MORC4: variants seen among roughly 807,000 people sequenced by gnomAD.
MORC4 encodes MORC family CW-type zinc finger 4, also known as MORC family CW-type zinc finger protein 4.
MORC4 carries 22 observed loss-of-function variants against 65.5 expected under a neutral mutation model. The observed-to-expected ratio is 0.34, with a 90% CI of 0.24 to 0.48. The LOEUF is 0.48. Among genes scored for constraint, MORC4 ranks in the 20% least tolerant of loss-of-function variants. MORC4 has a pLI of 0.99. For missense variants in MORC4, 624 were observed against 703.0 expected (o/e 0.89, Z 1.27); for synonymous variants, 267 against 255.8 (o/e 1.04, Z -0.42).
At chrX:106,955,843 T>A (rs1368248845) in intron 13 of MORC4, among the ~76,000 whole-genome samples, 1 of 111,109 alleles carries the variant, frequency 9.0e-6, no homozygotes, top group East Asian at 2.8e-4. Flanking sequence ...CAGATCTCTC[T>A]TGGAAAGAGG....
At chrX:106,958,115 C>T (rs1325671624) in intron 11 of MORC4, among the ~76,000 whole-genome samples, 2 of 111,812 alleles carry the variant, frequency 1.8e-5, no homozygotes, top group Non-Finnish European at 3.8e-5. Flanking sequence ...TGAGAGTAAG[C>T]ATGGCATGTG....
At chrX:106,971,387 A>T (rs887801332) in intron 9 of MORC4, among the ~76,000 whole-genome samples, 5 of 112,067 alleles carry the variant, frequency 4.5e-5, no homozygotes, top group African/African-American at 1.6e-4. Flanking sequence ...AGGCAATACC[A>T]TTCAGGACAT....
At chrX:106,972,581 A>G in intron 9 of MORC4, among the ~76,000 whole-genome samples, 1 of 111,886 alleles carries the variant, frequency 8.9e-6, no homozygotes, top group East Asian at 2.8e-4. Flanking sequence ...TTGTTGGATG[A>G]CATGAATATA....
intron 3 of MORC4, among the ~76,000 whole-genome samples, chrX:106,989,302 A>C (rs1019726569): frequency 8.9e-6 from 1 of 112,426 alleles, no homozygotes. Context: ...TAGCCCCAGA[A>C]GCTAAAGATA....
intron 11 of MORC4, 96 bp from the exon 12 acceptor site, chrX:106,957,100 T>C (rs751369856): frequency 4.1e-6 from 2 of 484,532 alleles, no homozygotes; most frequent in African/African-American, 4.7e-5. Context: ...AACAACTCTC[T>C]AACATTACAG....
chrX:106,986,248 G>A (rs1156625298), intron 3 of MORC4, 48 bp from the exon 4 acceptor site: 4 of 994,281 alleles, frequency 4.0e-6, no homozygotes, highest in Non-Finnish European at 4.1e-6. Flanking sequence ...AAATCAGAAA[G>A]GTAAAAAGCA....
At chrX:106,972,092 G>T (rs909169116) in intron 9 of MORC4, among the ~76,000 whole-genome samples, 1 of 112,249 alleles carries the variant, frequency 8.9e-6, no homozygotes, top group African/African-American at 3.2e-5. Flanking sequence ...TGATAGACTG[G>T]ATTAAGAAAA....
chrX:106,998,757 T>C (rs758127440), intron 2 of MORC4, among the ~76,000 whole-genome samples: 4 of 112,339 alleles, frequency 3.6e-5, no homozygotes, highest in Admixed American at 1.9e-4. Context: ...ATCATTCTTA[T>C]CACCCTTCCA....
rs143666861 is a variant in MORC4 at position 106,954,960 on chromosome X, T to C, written c.1638A>G (p.Pro546=). ...LPSGGEESRS[P]SLQLKPLDSS... ...AATCCAGAGGCTTAAGTTGAAGAGA[T>C]GGTGATCTGCTTTCTTCTCCACCAG... Residue 546 remains proline (P), a synonymous_variant, in exon 14 of 17, where the codon CCA becomes CCG. Coordinates refer to ENST00000355610, the MANE Select transcript of MORC4 (RefSeq NM_024657.5). The C allele has an allele frequency of 2.3e-5, 28 of 1,210,281 alleles. No individual in the cohort carries two copies. The highest frequency in any genetic ancestry group is 2.8e-5 in the Non-Finnish European group (25 of 894,886).
chrX:106,941,749 C>G lies in MORC4; in HGVS notation c.2661-117G>C, dbSNP rs1010402072. ...TTCTCAACAGTTATGTTTTCATTAG[C>G]TAGAAAGAAGAAAGCACAACGCCAC... On this transcript the variant is annotated intron_variant, in intron 16 of 16. Transcript: ENST00000355610. 24 of 871,019 alleles carry G rather than the reference C, an allele frequency of 2.8e-5. No homozygotes were observed. The African/African-American group carries it at 4.5e-4, about 16-fold the overall frequency. The allele number at this position is 871,019 out of a possible 1,213,427, so 71.8% of individuals were successfully genotyped here.
intron 5 of MORC4, among the ~76,000 whole-genome samples, chrX:106,983,782 G>A (rs1217495344): frequency 3.7e-5 from 4 of 107,858 alleles, no homozygotes; most frequent in African/African-American, 1.4e-4. Context: ...CTGGCCTCAA[G>A]TGATCCTCCT....
rs961031762 is a variant in MORC4 at position 106,980,763 on chromosome X, T to C, written c.936+128A>G. ...AAGACTTCCTCAGAGTACACTGTAA[T>C]AGAATGTGTACTATGACATACACTT... is the stretch of plus-strand genomic sequence containing the variant. On this transcript the variant is annotated intron_variant, in intron 7 of 16. Transcript: ENST00000355610. 1.1e-5 allele frequency: 6 copies of C among 559,015 alleles called. No homozygotes were observed. The African/African-American group carries it at 1.4e-4, about 13-fold the overall frequency. The allele number at this position is 559,015 out of a possible 1,213,427, so 46.1% of individuals were successfully genotyped here.
At chrX:106,984,345 T>A (rs1395461426) in intron 5 of MORC4, among the ~76,000 whole-genome samples, 1 of 110,510 alleles carries the variant, frequency 9.0e-6, no homozygotes, top group African/African-American at 3.3e-5. Context: ...GAGCTTAGAA[T>A]ATGCTAAACT....
rs762242420 is a variant in MORC4 at position 106,941,028 on chromosome X, T to A, written c.*451A>T. On this transcript the variant is annotated 3_prime_UTR_variant, in exon 17 of 17. Transcript: ENST00000355610. ...GTATAATGTGATGTATGTCTTATGT[T>A]TCCAACGAGATTGTTACATCTTCGA... 1 of 115,054 alleles carries A rather than the reference T, an allele frequency of 8.7e-6. No homozygotes were observed. The highest frequency in any genetic ancestry group is 9.3e-5 in the Admixed American group (1 of 10,784). The allele number at this position is 115,054 out of a possible 1,213,427, so 9.5% of individuals were successfully genotyped here. A position where few individuals can be genotyped will look rare whatever the true frequency, so the allele number is the denominator to read the frequency against.
intron 15 of MORC4, 36 bp from the exon 16 acceptor site, chrX:106,942,257 A>G: frequency 8.5e-7 from 1 of 1,176,973 alleles, no homozygotes; most frequent in Non-Finnish European, 1.1e-6. Context: ...ATGACCCCAC[A>G]AAAGAGCACG....
chrX:106,990,319 C>T (rs775119253), intron 3 of MORC4, among the ~76,000 whole-genome samples: 1 of 110,069 alleles, frequency 9.1e-6, no homozygotes, highest in East Asian at 3.0e-4. Flanking sequence ...TACAATGGCA[C>T]AATCTCAGCT....
intron 1 of MORC4, 41 bp from the exon 2 acceptor site, chrX:106,999,790 C>G (rs1183812809): frequency 1.0e-6 from 1 of 989,914 alleles, no homozygotes; most frequent in African/African-American, 2.0e-5. Context: ...GAGGCCTCGG[C>G]CCGCCGGGCC....
Position 106,942,378 on chromosome X carries a change from A to G in MORC4, c.2376+137T>C. 10 of 864,995 alleles carry G rather than the reference A, an allele frequency of 1.2e-5. No individual in the cohort carries two copies. The South Asian group carries it at 2.5e-4, about 22-fold the overall frequency. The allele number at this position is 864,995 out of a possible 1,213,427, so 71.3% of individuals were successfully genotyped here. A position where few individuals can be genotyped will look rare whatever the true frequency, so the allele number is the denominator to read the frequency against. On this transcript the variant is annotated intron_variant, in intron 15 of 16. Transcript: ENST00000355610. ...GCAGGAAGCCTACTACAGTTACTCT[A>G]TCTGAAACACACCACAGAATAGTTC...
rs1418705245 is a variant in MORC4, at chrX:106,982,495, G to A, written c.675-1018C>T. On this transcript the variant is annotated intron_variant, in intron 5 of 16. Coordinates refer to ENST00000355610, the MANE Select transcript of MORC4 (RefSeq NM_024657.5). ...ATAATAGCTTATTATGGATTTTCCA[G>A]GATAATTCTGATTCTCACTACCCCA... Among the ~76,000 whole-genome samples, 3 of 111,602 alleles carry A rather than the reference G, an allele frequency of 2.7e-5. No homozygotes were observed. The Admixed American group carries it at 2.9e-4, about 11-fold the overall frequency.
Sources: gnomAD v4.1 joint callset for allele counts (sites outside exome capture counted in the v4.1 genomes callset) on GRCh38, gnomAD v4.1.1 for gene constraint, MANE v1.5 for transcripts, NCBI Gene and HGNC (gene_info 2026-07-23, HGNC 2026-07-21) for gene names.